Variants in WHRN observed in about 807,000 individuals in gnomAD.
WHRN encodes CASK-interacting protein CIP98.
In WHRN, 41 loss-of-function variants were observed where a neutral mutation model predicts 68.3. The ratio of observed to expected loss-of-function variants is 0.60; its 90% CI spans 0.47 to 0.78. The LOEUF is 0.78. Among genes scored for constraint, WHRN ranks in the 30% least tolerant of loss-of-function variants. The pLI is 0.00. For missense variants in WHRN, 1,243 were observed against 1,244.7 expected (o/e 1.00, Z 0.02); for synonymous variants, 560 against 561.3 (o/e 1.00, Z 0.03).
At chr9:114,417,053 C>G (rs1426303548) in intron 7 of WHRN, among the ~76,000 whole-genome samples, 1 of 152,234 alleles carries the variant, frequency 6.6e-6, no homozygotes, top group African/African-American at 2.4e-5. Context: ...TCACTCTGCT[C>G]TCTCGGCCAA....
intron 2 of WHRN, chr9:114,478,305 C>T (rs572157468): frequency 7.1e-6 from 5 of 704,318 alleles, no homozygotes; most frequent in African/African-American, 7.1e-5. Context: ...ATAAATAAGC[C>T]AATCAATAAA....
rs150017048 is a variant in WHRN, at chr9:114,447,490, C to T, written c.963+18777G>A. Among the ~76,000 whole-genome samples, 4 of 152,320 alleles carry T rather than the reference C, an allele frequency of 2.6e-5. No individual in the cohort carries two copies. In the East Asian group the frequency reaches 5.8e-4, roughly 22 times the overall value. ...ATTGTTATCCAGTTATCAGGTAGTA[C>T]TCCTATTAAGAGCATGGTACTTCTT... On this transcript the variant is annotated intron_variant, in intron 3 of 11. Coordinates refer to ENST00000362057, the MANE Select transcript of WHRN (RefSeq NM_015404.4).
intron 1 of WHRN, among the ~76,000 whole-genome samples, chr9:114,483,283 G>T (rs1842231375): frequency 6.6e-6 from 1 of 152,140 alleles, no homozygotes. Flanking sequence ...GTGGCCATCA[G>T]AATCCTGCAG....
At chr9:114,504,151 CTG>C (rs1156398382) in intron 1 of WHRN, 31 bp downstream of exon 1, 4 of 1,613,712 alleles carry the variant, frequency 2.5e-6, no homozygotes, top group Non-Finnish European at 3.4e-6. Flanking sequence ...TGTCCATACT[CTG>C]CCCCAGACTC....
intron 1 of WHRN, among the ~76,000 whole-genome samples, chr9:114,493,632 T>C (rs1434273945): frequency 6.6e-6 from 1 of 152,056 alleles, no homozygotes; most frequent in Non-Finnish European, 1.5e-5. Flanking sequence ...TCACCAGTTA[T>C]CTATCAGGGA....
chr9:114,498,643 TG>T (rs1314617585), intron 1 of WHRN, among the ~76,000 whole-genome samples: 1 of 152,178 alleles, frequency 6.6e-6, no homozygotes, highest in Non-Finnish European at 1.5e-5. Context: ...AGTCTCTGGG[TG>T]GTTCTTAAAA....
chr9:114,434,477 C>T (rs1837677474), intron 3 of WHRN, among the ~76,000 whole-genome samples: 1 of 152,128 alleles, frequency 6.6e-6, no homozygotes, highest in Non-Finnish European at 1.5e-5. Context: ...GACTAATGGC[C>T]ACCATCCTGA....
At chr9:114,464,811 TC>T (rs1840524405) in intron 3 of WHRN, among the ~76,000 whole-genome samples, 1 of 129,284 alleles carries the variant, frequency 7.7e-6, no homozygotes, top group African/African-American at 2.9e-5. Context: ...AATGATTATG[TC>T]CATAATGATG....
chr9:114,469,026 A>G (rs1400512182), intron 2 of WHRN, among the ~76,000 whole-genome samples: 1 of 152,216 alleles, frequency 6.6e-6, no homozygotes, highest in Admixed American at 6.5e-5. Flanking sequence ...TCTGTGCCTC[A>G]GTTTCTTCAT....
rs543121273 is a variant in WHRN, at chr9:114,482,333, G to T, written c.619-3562C>A. ...CCTGCACCCACATCTAGTCTGGAAGGTTATGCTCAGGTCAGGAACAGAGGA... is the reference window on the plus strand; with the variant it reads ...CCTGCACCCACATCTAGTCTGGAAGTTTATGCTCAGGTCAGGAACAGAGGA... On this transcript the variant is annotated intron_variant, in intron 1 of 11. Transcript: ENST00000362057. Among the ~76,000 whole-genome samples, 183 of 152,316 alleles carry T rather than the reference G, an allele frequency of 1.2e-3. 1 individual carries two copies. Among genetic ancestry groups the T allele is most frequent in the African/African-American group, 4.3e-3 (179 of 41,576 alleles).
At chr9:114,409,714 C>T (rs1835291509) in intron 7 of WHRN, among the ~76,000 whole-genome samples, 2 of 151,718 alleles carry the variant, frequency 1.3e-5, no homozygotes, top group African/African-American at 4.8e-5. Context: ...TTCTGCTTGG[C>T]TATCCATCCA....
At chr9:114,466,431 A>G (rs1159469470) in intron 2 of WHRN, 39 bp from the exon 3 acceptor site, 3 of 1,612,648 alleles carry the variant, frequency 1.9e-6, no homozygotes, top group African/African-American at 1.3e-5. Context: ...GGACTGGAGG[A>G]GCCATCCCTT....
At chr9:114,486,177 G>A (rs994769679) in intron 1 of WHRN, among the ~76,000 whole-genome samples, 6 of 152,024 alleles carry the variant, frequency 3.9e-5, no homozygotes, top group East Asian at 1.9e-4. Flanking sequence ...TCTAAACCTC[G>A]AATCTATATG....
At chr9:114,410,673 G>T (rs1265289231) in intron 7 of WHRN, among the ~76,000 whole-genome samples, 1 of 152,236 alleles carries the variant, frequency 6.6e-6, no homozygotes, top group African/African-American at 2.4e-5. Flanking sequence ...GTCCCATGAT[G>T]CTTCAGGGGC....
At chr9:114,446,255 T>A (rs1838811632) in intron 3 of WHRN, among the ~76,000 whole-genome samples, 1 of 152,196 alleles carries the variant, frequency 6.6e-6, no homozygotes, top group Non-Finnish European at 1.5e-5. Flanking sequence ...AGGCCACATA[T>A]TCTATGATTC....
chr9:114,419,414 A>C (rs1403919821), intron 7 of WHRN, among the ~76,000 whole-genome samples: 1 of 152,274 alleles, frequency 6.6e-6, no homozygotes, highest in African/African-American at 2.4e-5. Context: ...CACTAGGGAT[A>C]GGGACTCAAT....
At chr9:114,419,435 C>G (rs1032780404) in intron 7 of WHRN, among the ~76,000 whole-genome samples, 4 of 152,236 alleles carry the variant, frequency 2.6e-5, no homozygotes, top group Admixed American at 2.6e-4. Context: ...GGTAACCGCA[C>G]GTGCGATCGC....
chr9:114,490,796 T>G (rs758169516), intron 1 of WHRN, among the ~76,000 whole-genome samples: 1 of 152,216 alleles, frequency 6.6e-6, no homozygotes, highest in Non-Finnish European at 1.5e-5. Context: ...ACCTTGGGAA[T>G]AATGCTACAA....
At chr9:114,491,110 C>T (rs972382373) in intron 1 of WHRN, among the ~76,000 whole-genome samples, 1 of 152,022 alleles carries the variant, frequency 6.6e-6, no homozygotes. Flanking sequence ...GATCGATGTC[C>T]GAAGCACAGA....
Sources: allele counts gnomAD v4.1 joint callset (sites outside exome capture counted in the v4.1 genomes callset), GRCh38; gene constraint gnomAD v4.1.1; transcripts MANE v1.5; gene names NCBI Gene and HGNC (gene_info 2026-07-23, HGNC 2026-07-21).